Variants in YAP1 observed in about 807,000 individuals in gnomAD.
YAP1 encodes the protein Yes1 associated transcriptional regulator, also known as transcriptional coactivator YAP1.
Under a neutral mutation model 56.9 loss-of-function variants are expected in YAP1, and 5 were observed. That is an observed-to-expected ratio of 0.09 (90% CI 0.05 to 0.18). YAP1 has a LOEUF of 0.18. Among genes scored for constraint, YAP1 ranks in the 10% least tolerant of loss-of-function variants. YAP1 has a pLI of 1.00. For synonymous variants in YAP1, 265 were observed against 248.1 expected (o/e 1.07, Z -0.64); for missense variants, 539 against 651.8 (o/e 0.83, Z 1.88).
chr11:102,118,821 A>G (rs58685527), intron 2 of YAP1, among the ~76,000 whole-genome samples: 1 of 151,706 alleles, frequency 6.6e-6, no homozygotes, highest in African/African-American at 2.4e-5. Flanking sequence ...GTATTTATAC[A>G]TTGTATACAG....
chr11:102,120,086 T>C (rs896649174), intron 2 of YAP1, among the ~76,000 whole-genome samples: 3 of 152,210 alleles, frequency 2.0e-5, no homozygotes, highest in Non-Finnish European at 4.4e-5. Flanking sequence ...GATTCTAGGA[T>C]TAATCAGAAC....
chr11:102,122,164 A>G (rs1303908523), intron 2 of YAP1, among the ~76,000 whole-genome samples: 1 of 152,180 alleles, frequency 6.6e-6, no homozygotes, highest in Non-Finnish European at 1.5e-5. Context: ...TCATGCCTGT[A>G]ATCCTAGCCT....
chr11:102,229,999 GA>G lies in YAP1; in HGVS notation c.*62del. ...AGGATCTAAGGAGACACATGCACCG[GA>G]AATTTCCATAAGCCAGTTGCAGTTT... On this transcript the variant is annotated 3_prime_UTR_variant, in exon 9 of 9. Coordinates refer to ENST00000282441, the MANE Select transcript of YAP1 (RefSeq NM_001130145.3). 6.8e-7 allele frequency: 1 copy of G among 1,463,708 alleles called. No homozygotes were observed. The allele number at this position is 1,463,708 out of a possible 1,614,324, so 90.7% of individuals were successfully genotyped here. A position where few individuals can be genotyped will look rare whatever the true frequency, so the allele number is the denominator to read the frequency against.
intron 2 of YAP1, among the ~76,000 whole-genome samples, chr11:102,152,889 G>C (rs1945743243): frequency 1.3e-5 from 2 of 152,192 alleles, no homozygotes; most frequent in Non-Finnish European, 1.5e-5. Context: ...CATTGGTTCT[G>C]TTAGCTGCTG....
At chr11:102,153,613 A>C (rs1945785353) in intron 2 of YAP1, among the ~76,000 whole-genome samples, 1 of 151,984 alleles carries the variant, frequency 6.6e-6, no homozygotes, top group Admixed American at 6.6e-5. Context: ...TGCTTCAGGA[A>C]CCTTTCTCAG....
intron 2 of YAP1, among the ~76,000 whole-genome samples, chr11:102,151,189 T>G (rs1184599615): frequency 1.3e-5 from 2 of 152,202 alleles, no homozygotes; most frequent in African/African-American, 4.8e-5. Flanking sequence ...ATTTTGTCCC[T>G]TTCCTTCCTG....
chr11:102,218,979 TA>T (rs1489240541), intron 6 of YAP1, among the ~76,000 whole-genome samples: 1 of 152,238 alleles, frequency 6.6e-6, no homozygotes, highest in Non-Finnish European at 1.5e-5. Context: ...GAATTTTATT[TA>T]AAAGGCTAAA....
chr11:102,219,394 C>T (rs1363197195), intron 6 of YAP1, among the ~76,000 whole-genome samples: 2 of 152,124 alleles, frequency 1.3e-5, no homozygotes, highest in African/African-American at 4.8e-5. Context: ...ATGTCTGTGT[C>T]TAATCCAATC....
At chr11:102,139,024 T>A (rs962963548) in intron 2 of YAP1, among the ~76,000 whole-genome samples, 1 of 152,144 alleles carries the variant, frequency 6.6e-6, no homozygotes, top group Non-Finnish European at 1.5e-5. Context: ...AAAGCATATA[T>A]GTCTTTCTCT....
chr11:102,131,858 G>A (rs1944384650), intron 2 of YAP1, among the ~76,000 whole-genome samples: 2 of 152,138 alleles, frequency 1.3e-5, no homozygotes, highest in African/African-American at 4.8e-5. Context: ...TGTTCCATGG[G>A]CAGTGAATAT....
At chr11:102,128,299 G>A (rs879891932) in intron 2 of YAP1, among the ~76,000 whole-genome samples, 1 of 152,094 alleles carries the variant, frequency 6.6e-6, no homozygotes, top group Non-Finnish European at 1.5e-5. Flanking sequence ...CTCGGCGGGG[G>A]GTAATTGAAT....
rs74664286 is a variant in YAP1, at chr11:102,149,083, T to C, written c.573-13373T>C. Among the ~76,000 whole-genome samples the C allele has an allele frequency of 1.6e-3, 238 of 152,332 alleles. 8 individuals carry two copies. The East Asian group carries it at 0.039, about 25-fold the overall frequency. On this transcript the variant is annotated intron_variant, in intron 2 of 8. Coordinates refer to ENST00000282441, the MANE Select transcript of YAP1 (RefSeq NM_001130145.3). Reference sequence around the variant, plus strand: ...TTTTTGTTGGTTACAGTTTGAAATATGAGTTCCTTTTGCTTATTAAAGTGA... The same window carrying C: ...TTTTTGTTGGTTACAGTTTGAAATACGAGTTCCTTTTGCTTATTAAAGTGA...
At chr11:102,188,595 A>G (rs746133459) in intron 4 of YAP1, among the ~76,000 whole-genome samples, 15 of 152,224 alleles carry the variant, frequency 9.9e-5, no homozygotes, top group Non-Finnish European at 2.2e-4. Flanking sequence ...GTTTAGATAC[A>G]CAAATACTAC....
intron 2 of YAP1, among the ~76,000 whole-genome samples, chr11:102,128,779 T>A (rs1030186963): frequency 6.6e-6 from 1 of 152,222 alleles, no homozygotes; most frequent in African/African-American, 2.4e-5. Context: ...ATAATTTCTA[T>A]TCTTATGTAT....
At chr11:102,116,772 G>A (rs77985858) in intron 2 of YAP1, among the ~76,000 whole-genome samples, 2,796 of 152,172 alleles carry the variant, frequency 0.018, 84 homozygotes, top group African/African-American at 0.064. Flanking sequence ...AGAAATGTGA[G>A]GAATTTTGAT....
intron 3 of YAP1, among the ~76,000 whole-genome samples, chr11:102,180,868 C>A (rs781569929): frequency 1.3e-5 from 2 of 152,040 alleles, no homozygotes; most frequent in South Asian, 2.1e-4. Flanking sequence ...AATTCTCGGT[C>A]GGGCATGGTA....
chr11:102,116,730 T>C (rs1943310525), intron 2 of YAP1, among the ~76,000 whole-genome samples: 1 of 152,120 alleles, frequency 6.6e-6, no homozygotes, highest in African/African-American at 2.4e-5. Flanking sequence ...TGGGGAACTT[T>C]TATGTGGGAG....
chr11:102,192,479 T>TA (rs765647918), intron 4 of YAP1, among the ~76,000 whole-genome samples: 3 of 152,228 alleles, frequency 2.0e-5, no homozygotes, highest in South Asian at 2.1e-4. Flanking sequence ...ACATGATAGT[T>TA]ACAACAATGT....
intron 2 of YAP1, among the ~76,000 whole-genome samples, chr11:102,146,726 G>T (rs1945342454): frequency 2.0e-5 from 3 of 152,074 alleles, no homozygotes. Flanking sequence ...CAATTCATGG[G>T]ATCTTAGTTT....
Sources: gnomAD v4.1 joint callset for allele counts (sites outside exome capture counted in the v4.1 genomes callset) on GRCh38, gnomAD v4.1.1 for gene constraint, MANE v1.5 for transcripts, NCBI Gene and HGNC (gene_info 2026-07-23, HGNC 2026-07-21) for gene names.